The following NBEAL1 variants were observed in gnomAD, a reference collection of about 807,000 sequenced individuals.
NBEAL1 encodes the protein neurobeachin-like protein 1.
Under a neutral mutation model 351.3 loss-of-function variants are expected in NBEAL1, and 273 were observed. That is an observed-to-expected ratio of 0.78 (90% CI 0.70 to 0.86). The LOEUF is 0.86. Ranked by LOEUF, NBEAL1 falls within the 40% of genes least tolerant of loss-of-function variation. The pLI is 0.00. For missense variants in NBEAL1, 2,961 were observed against 3,201.3 expected (o/e 0.92, Z 1.81); for synonymous variants, 1,050 against 1,086.4 (o/e 0.97, Z 0.66).
intron 18 of NBEAL1, among the ~76,000 whole-genome samples, chr2:203,121,627 G>GGGT (rs1157192305): frequency 6.6e-6 from 1 of 150,506 alleles, no homozygotes; most frequent in East Asian, 2.0e-4. Flanking sequence ...ACTCTAGCCT[G>GGGT]GGTGACAAGA....
At position 203,056,453 on chromosome 2, in the gene NBEAL1, G is replaced by A. The variant is rs1298291679; in HGVS notation, c.332G>A (p.Gly111Glu). 4 of 1,548,412 alleles carry A rather than the reference G, an allele frequency of 2.6e-6. No individual in the cohort carries two copies. Among genetic ancestry groups the A allele is most frequent in the Admixed American group, 3.9e-5 (2 of 50,954 alleles). The change falls in exon 5 of 56, where the codon GGG becomes GAG. Residue 111 changes from glycine (G) to glutamate (E), a missense_variant. By Grantham distance (98) the Gly-to-Glu change is moderately conservative. Coordinates refer to ENST00000683969, the MANE Select transcript of NBEAL1 (RefSeq NM_001378026.1). ...CRNLSNVEEI[G>E]TCSYINYVIT... is the part of the protein sequence containing the mutation. ...AATCTATCAAATGTGGAAGAAATTG[G>A]GACTTGCTCGTACATTAATTATGTC...
rs1257873424 is a variant in NBEAL1, at chr2:203,041,764, G to A, written c.52-1G>A. The A allele has an allele frequency of 6.5e-7, 1 of 1,549,220 alleles. No homozygotes were observed. The highest frequency in any genetic ancestry group is 1.4e-5 in the African/African-American group (1 of 73,088). On this transcript the variant is annotated splice_acceptor_variant, in intron 2 of 55. Coordinates refer to ENST00000683969, the MANE Select transcript of NBEAL1 (RefSeq NM_001378026.1). LOFTEE classifies it high-confidence loss of function. ...ATATTATAATGGTTTTGTTATTTCAGAAAGATCCAGATTACCTGAAGCTGT... is the reference window on the plus strand; with the variant it reads ...ATATTATAATGGTTTTGTTATTTCAAAAAGATCCAGATTACCTGAAGCTGT...
At chr2:203,138,402 T>C in intron 30 of NBEAL1, 87 bp downstream of exon 30, 1 of 1,233,206 alleles carries the variant, frequency 8.1e-7, no homozygotes, top group Non-Finnish European at 1.1e-6. Context: ...TTTTAGAGCG[T>C]TAATGCTTAA....
chr2:203,174,211 A>G (rs1287129362), intron 41 of NBEAL1, among the ~76,000 whole-genome samples: 1 of 119,074 alleles, frequency 8.4e-6, no homozygotes, highest in Non-Finnish European at 1.7e-5. Flanking sequence ...AGTGCTTTAT[A>G]CTAGCAAAAA....
chr2:203,094,395 A>G (rs1299682197), intron 10 of NBEAL1, among the ~76,000 whole-genome samples: 1 of 152,146 alleles, frequency 6.6e-6, no homozygotes, highest in Non-Finnish European at 1.5e-5. Flanking sequence ...TGTTTAAATT[A>G]TTTGTTTGTT....
chr2:203,091,656 A>G (rs2062066752), intron 10 of NBEAL1, among the ~76,000 whole-genome samples: 1 of 152,004 alleles, frequency 6.6e-6, no homozygotes, highest in African/African-American at 2.4e-5. Context: ...CTTTTTTGAT[A>G]GTGGCTGTCC....
chr2:203,136,814 G>C, intron 29 of NBEAL1, 40 bp downstream of exon 29: 2 of 1,528,386 alleles, frequency 1.3e-6, no homozygotes, highest in Non-Finnish European at 1.8e-6. Flanking sequence ...TCCTTTTGGT[G>C]ACAGCAGGAG....
At chr2:203,137,907 C>T (rs952435893) in intron 29 of NBEAL1, among the ~76,000 whole-genome samples, 1 of 151,872 alleles carries the variant, frequency 6.6e-6, no homozygotes, top group African/African-American at 2.4e-5. Context: ...TCGCCTGAAC[C>T]CAGGAGGCAG....
rs1484324574 is a variant in NBEAL1, at chr2:203,170,241, G to A, written c.6102+390G>A. The stretch of plus-strand genomic sequence containing the variant: ...ACAAAAAGTAGCCAGGCATGTTGGC[G>A]GGCGCCTGTAATCCCAGCTACTCGG... On this transcript the variant is annotated intron_variant, in intron 39 of 55. Coordinates refer to ENST00000683969, the MANE Select transcript of NBEAL1 (RefSeq NM_001378026.1). Among the ~76,000 whole-genome samples, 20 of 151,924 alleles carry A rather than the reference G, an allele frequency of 1.3e-4. 1 individual carries two copies. The highest frequency in any genetic ancestry group is 8.5e-4 in the Admixed American group (13 of 15,220).
Position 203,077,842 on chromosome 2 carries a change from GGAAA to G in NBEAL1, c.684+7_684+10del. 7.1e-7 allele frequency: 1 copy of G among 1,401,174 alleles called. No individual in the cohort carries two copies. Among genetic ancestry groups the G allele is most frequent in the East Asian group, 2.7e-5 (1 of 37,414 alleles). 86.8% of individuals were successfully genotyped at this position (1,401,174 alleles called of 1,614,324 possible). On this transcript the variant is annotated splice_donor_region_variant and intron_variant, in intron 8 of 55. Coordinates refer to ENST00000683969, the MANE Select transcript of NBEAL1 (RefSeq NM_001378026.1). ...GCCATTGTAGCCGGTGGGCAGGTAA[GGAAA>G]GTGTTGAAATTTAATAAATAAAATT...
At chr2:203,081,475 C>T (rs930971943) in intron 8 of NBEAL1, among the ~76,000 whole-genome samples, 1 of 152,140 alleles carries the variant, frequency 6.6e-6, no homozygotes, top group African/African-American at 2.4e-5. Flanking sequence ...ATGTACAGCA[C>T]TTAACAAAGT....
At chr2:203,160,143 G>A (rs530358692) in intron 36 of NBEAL1, among the ~76,000 whole-genome samples, 1 of 148,554 alleles carries the variant, frequency 6.7e-6, no homozygotes, top group African/African-American at 2.5e-5. Flanking sequence ...GCAGTGGCGA[G>A]ATCTTGGCTC....
At chr2:203,063,438 T>G (rs542038465) in intron 6 of NBEAL1, among the ~76,000 whole-genome samples, 15 of 106,786 alleles carry the variant, frequency 1.4e-4, no homozygotes, top group Admixed American at 4.2e-4. Context: ...TGGCAAAACC[T>G]GAAAGAAAGA....
chr2:203,127,235 T>A (rs1484837468), intron 23 of NBEAL1, among the ~76,000 whole-genome samples: 1 of 152,210 alleles, frequency 6.6e-6, no homozygotes, highest in Non-Finnish European at 1.5e-5. Context: ...GTTAATTAGT[T>A]AATAATGTAA....
At chr2:203,198,890 A>G (rs953011461) in intron 48 of NBEAL1, among the ~76,000 whole-genome samples, 3 of 151,228 alleles carry the variant, frequency 2.0e-5, no homozygotes, top group African/African-American at 4.9e-5. Context: ...AAGTTTTCTT[A>G]CAATAAGATA....
chr2:203,058,067 C>T (rs1360095278), intron 6 of NBEAL1, among the ~76,000 whole-genome samples: 2 of 152,096 alleles, frequency 1.3e-5, no homozygotes, highest in African/African-American at 4.8e-5. Flanking sequence ...TGGTCTCGAT[C>T]TCCTGATCTC....
intron 48 of NBEAL1, 52 bp from the exon 49 acceptor site, chr2:203,199,286 C>A: frequency 2.0e-6 from 2 of 1,022,738 alleles, no homozygotes; most frequent in Non-Finnish European, 3.0e-6. Context: ...TTATTCTGGG[C>A]TGCTTTCCTT....
At chr2:203,094,374 C>T (rs1207385212) in intron 10 of NBEAL1, among the ~76,000 whole-genome samples, 5 of 152,074 alleles carry the variant, frequency 3.3e-5, no homozygotes, top group African/African-American at 9.7e-5. Context: ...CAGATGTCCA[C>T]GATTACTTTT....
intron 3 of NBEAL1, among the ~76,000 whole-genome samples, chr2:203,044,996 A>G (rs1341999212): frequency 1.3e-5 from 2 of 152,174 alleles, no homozygotes; most frequent in Non-Finnish European, 2.9e-5. Context: ...AAAGTCCTAG[A>G]GGTGGGAAAA....
Sources: gnomAD v4.1 joint callset for allele counts (sites outside exome capture counted in the v4.1 genomes callset) on GRCh38, gnomAD v4.1.1 for gene constraint, MANE v1.5 for transcripts, NCBI Gene and HGNC (gene_info 2026-07-23, HGNC 2026-07-21) for gene names.